CDKN2B-AS1: variants seen among roughly 807,000 people sequenced by gnomAD.
CDKN2B-AS1 encodes the protein CDKN2B and CDKN2A antisense cis and trans regulatory RNA 1, also known as CDKN2B antisense RNA 1 (non-protein coding).
At chr9:22,108,772 T>C (rs190215095) in intron 4 of CDKN2B-AS1, among the ~76,000 whole-genome samples, 12 of 152,308 alleles carry the variant, frequency 7.9e-5, no homozygotes, top group African/African-American at 2.9e-4. Flanking sequence ...AGTGAATAAC[T>C]GATGAGGTCA....
chr9:22,050,643 C>G (rs1823306979), intron 3 of CDKN2B-AS1, among the ~76,000 whole-genome samples: 1 of 152,194 alleles, frequency 6.6e-6, no homozygotes, highest in Non-Finnish European at 1.5e-5. Context: ...CTAGCTTCTT[C>G]TGTAGCAGTT....
chr9:22,110,473 T>A (rs1311592985), intron 4 of CDKN2B-AS1, among the ~76,000 whole-genome samples: 5 of 152,150 alleles, frequency 3.3e-5, no homozygotes, highest in African/African-American at 1.2e-4. Context: ...TTTTTGGTAT[T>A]TTCTTTTTGC....
At position 22,008,858 on chromosome 9, in the gene CDKN2B-AS1, C is replaced by T. The variant is rs1167941285; in HGVS notation, n.29+13697C>T. 4.3e-6 allele frequency: 7 copies of T among 1,611,294 alleles called. No homozygotes were observed. The South Asian group carries it at 6.6e-5, about 15-fold the overall frequency. ...TGGGATCCGCGCCGGCTTCCAGGAGCTGTCGCACCTTCTCCACTAGTCCCC... is the reference window on the plus strand; with the variant it reads ...TGGGATCCGCGCCGGCTTCCAGGAGTTGTCGCACCTTCTCCACTAGTCCCC... On this transcript the variant is annotated intron_variant and non_coding_transcript_variant, in intron 1 of 4. Transcript: ENST00000650946.
intron 1 of CDKN2B-AS1, chr9:22,004,660 T>C (rs956177250): frequency 2.1e-5 from 5 of 232,604 alleles, no homozygotes; most frequent in Non-Finnish European, 4.2e-5. Flanking sequence ...CCCAAAGCAG[T>C]GCACCTTTAG....
chr9:22,033,840 G>T (rs954896658), intron 1 of CDKN2B-AS1, among the ~76,000 whole-genome samples: 19 of 152,164 alleles, frequency 1.2e-4, no homozygotes, highest in Admixed American at 3.9e-4. Context: ...CAGATGCTTT[G>T]TTGGCACTGA....
At chr9:22,110,901 T>C (rs1190782928) in intron 4 of CDKN2B-AS1, among the ~76,000 whole-genome samples, 1 of 152,112 alleles carries the variant, frequency 6.6e-6, no homozygotes, top group Non-Finnish European at 1.5e-5. Context: ...GTTACACTTG[T>C]TTTTAAATTT....
At chr9:22,082,079 C>T in intron 4 of CDKN2B-AS1, among the ~76,000 whole-genome samples, 1 of 152,212 alleles carries the variant, frequency 6.6e-6, no homozygotes, top group East Asian at 1.9e-4. Flanking sequence ...AATGACATCT[C>T]TTTAAACTGG....
intron 1 of CDKN2B-AS1, among the ~76,000 whole-genome samples, chr9:22,015,215 C>T (rs1026647529): frequency 1.3e-5 from 2 of 152,298 alleles, no homozygotes; most frequent in East Asian, 3.9e-4. Flanking sequence ...AACTAGTTTA[C>T]AGTCCCACCA....
rs367574645 is a variant in CDKN2B-AS1, at chr9:22,018,424, G to A, written n.29+23263G>A. ...TGTAATCCCAGCACTTTGGGAGGCC[G>A]AGGCGGGTGGATCACCTGAGGTCAG... On this transcript the variant is annotated intron_variant and non_coding_transcript_variant, in intron 1 of 4. Coordinates refer to ENST00000650946, the Ensembl canonical transcript of CDKN2B-AS1. Among the ~76,000 whole-genome samples the A allele has an allele frequency of 2.9e-4, 44 of 152,232 alleles. No individual in the cohort carries two copies. In the South Asian group the frequency reaches 3.9e-3, roughly 14 times the overall value.
intron 1 of CDKN2B-AS1, among the ~76,000 whole-genome samples, chr9:22,035,050 C>G (rs1054905879): frequency 2.0e-5 from 3 of 152,056 alleles, no homozygotes; most frequent in African/African-American, 7.2e-5. Flanking sequence ...GAGGAGTAAG[C>G]TATGTAGCTA....
intron 4 of CDKN2B-AS1, among the ~76,000 whole-genome samples, chr9:22,096,802 C>T (rs1231450330): frequency 6.6e-6 from 1 of 152,148 alleles, no homozygotes; most frequent in Non-Finnish European, 1.5e-5. Context: ...TTTGTTCCCT[C>T]TCCCCTCCTC....
rs538549653 is a variant in CDKN2B-AS1 at position 22,001,348 on chromosome 9, G to A, written n.29+6187G>A. Among the ~76,000 whole-genome samples the A allele has an allele frequency of 6.6e-6, 1 of 152,282 alleles. No homozygotes were observed. The highest frequency in any genetic ancestry group is 2.1e-4 in the South Asian group (1 of 4,828). On this transcript the variant is annotated intron_variant and non_coding_transcript_variant, in intron 1 of 4. Transcript: ENST00000650946. This position sits in a 1 kb window ranked among gnomAD's most constrained non-coding sequence, Gnocchi z 4.2. The stretch of plus-strand genomic sequence containing the variant: ...AATGCCAGGGGCTTCTGAGTGTGAA[G>A]TGGATTAATAGGTGTTTGGGGTCCT...
At chr9:22,004,081 T>C (rs1373760298) in intron 1 of CDKN2B-AS1, 6 of 232,572 alleles carry the variant, frequency 2.6e-5, no homozygotes, top group East Asian at 1.2e-4. Flanking sequence ...TGGGAAACAA[T>C]ACCTATCTCT....
intron 4 of CDKN2B-AS1, among the ~76,000 whole-genome samples, chr9:22,075,005 T>C (rs1213570460): frequency 6.6e-6 from 1 of 152,256 alleles, no homozygotes; most frequent in African/African-American, 2.4e-5. Flanking sequence ...GTGATTGTTA[T>C]GTATTTTTAA....
chr9:22,014,776 C>T (rs1821668629), intron 1 of CDKN2B-AS1, among the ~76,000 whole-genome samples: 1 of 112,522 alleles, frequency 8.9e-6, no homozygotes, highest in African/African-American at 3.2e-5. Context: ...CACCCCACAA[C>T]AGTCCCCAGA....
intron 4 of CDKN2B-AS1, among the ~76,000 whole-genome samples, chr9:22,080,850 G>C (rs1209927232): frequency 6.6e-6 from 1 of 152,230 alleles, no homozygotes; most frequent in Non-Finnish European, 1.5e-5. Flanking sequence ...GGCTGAGCCA[G>C]ACTCAGAAAC....
Position 21,995,549 on chromosome 9 carries a change from CT to C in CDKN2B-AS1, n.29+392del. The C allele has an allele frequency of 6.5e-6, 1 of 152,920 alleles. No homozygotes were observed. The highest frequency in any genetic ancestry group is 1.5e-5 in the Non-Finnish European group (1 of 68,352). The allele number at this position is 152,920 out of a possible 1,614,324, so 9.5% of individuals were successfully genotyped here. A position where few individuals can be genotyped will look rare whatever the true frequency, so the allele number is the denominator to read the frequency against. On this transcript the variant is annotated intron_variant and non_coding_transcript_variant, in intron 1 of 4. Coordinates refer to ENST00000650946, the Ensembl canonical transcript of CDKN2B-AS1. The surrounding 1 kb of genome is among the most constrained non-coding windows in gnomAD (Gnocchi z 5.7). Reference sequence around the variant, plus strand: ...CTCCCCCTCCATGTCCCCTCCTCCCCTTTTCTTCCACATCACCGATCCTTTC... The same window carrying C: ...CTCCCCCTCCATGTCCCCTCCTCCCCTTTCTTCCACATCACCGATCCTTTC...
chr9:22,035,936 G>A (rs1822668527), intron 1 of CDKN2B-AS1, among the ~76,000 whole-genome samples: 1 of 152,114 alleles, frequency 6.6e-6, no homozygotes, highest in Admixed American at 6.6e-5. Context: ...AGATGCCACA[G>A]GACAGGGCCT....
chr9:22,003,645 G>A (rs573310907), intron 1 of CDKN2B-AS1: 1 of 230,230 alleles, frequency 4.3e-6, no homozygotes, highest in South Asian at 1.8e-4. Context: ...TAATGATTGA[G>A]TGCTTAAGTG....
Sources: allele counts gnomAD v4.1 joint callset (sites outside exome capture counted in the v4.1 genomes callset), GRCh38; gene constraint gnomAD v4.1.1; non-coding constraint Gnocchi (gnomAD v3.1); transcripts MANE v1.5; gene names NCBI Gene and HGNC (gene_info 2026-07-23, HGNC 2026-07-21).